Variants in CDKAL1 observed in about 807,000 individuals in gnomAD.
The protein encoded by CDKAL1 is threonylcarbamoyladenosine tRNA methylthiotransferase.
In CDKAL1, 32 loss-of-function variants were observed where a neutral mutation model predicts 68.2. The ratio of observed to expected loss-of-function variants is 0.47; its 90% CI spans 0.35 to 0.63. The LOEUF is 0.63. Among genes scored for constraint, CDKAL1 ranks in the 30% least tolerant of loss-of-function variants. CDKAL1 has a pLI of 0.00. For missense variants in CDKAL1, 606 were observed against 696.7 expected, an observed-to-expected ratio of 0.87 and a Z score of 1.47; for synonymous variants, 234 against 244.3, an observed-to-expected ratio of 0.96 and a Z score of 0.39.
chr6:21,010,424 A>AGCTT (rs1227026966), intron 11 of CDKAL1, among the ~76,000 whole-genome samples: 1 of 152,142 alleles, frequency 6.6e-6, no homozygotes, highest in Non-Finnish European at 1.5e-5. Flanking sequence ...TTAAATCTCT[A>AGCTT]GCTTAAACTC....
intron 9 of CDKAL1, among the ~76,000 whole-genome samples, chr6:20,934,106 G>A (rs1430263126): frequency 2.6e-5 from 4 of 152,014 alleles, no homozygotes; most frequent in Admixed American, 6.6e-5. Context: ...CAGCTTTGAG[G>A]GCTCAAGAGT....
intron 15 of CDKAL1, among the ~76,000 whole-genome samples, chr6:21,223,284 G>GCCACTCAT (rs1170781632): frequency 6.6e-5 from 10 of 152,280 alleles, no homozygotes; most frequent in African/African-American, 2.2e-4. Context: ...GTAAAGCCAG[G>GCCACTCAT]CCACTCATCT....
At chr6:20,632,604 A>T (rs1375383139) in intron 4 of CDKAL1, among the ~76,000 whole-genome samples, 2 of 152,134 alleles carry the variant, frequency 1.3e-5, no homozygotes, top group Non-Finnish European at 2.9e-5. Context: ...ATTGCTGACA[A>T]CTAGTCTGTT....
chr6:21,108,594 G>A (rs1487161425), intron 13 of CDKAL1, 131 bp downstream of exon 13: 6 of 556,890 alleles, frequency 1.1e-5, no homozygotes, highest in Non-Finnish European at 1.9e-5. Flanking sequence ...AAATTTTTTA[G>A]CTCTTTATCC....
At chr6:20,688,137 A>T (rs1189367619) in intron 5 of CDKAL1, among the ~76,000 whole-genome samples, 1 of 132,576 alleles carries the variant, frequency 7.5e-6, no homozygotes, top group Non-Finnish European at 1.6e-5. Flanking sequence ...CTCACCCCCC[A>T]CCTCTGGCTT....
At chr6:20,672,334 G>GTC (rs1169822037) in intron 5 of CDKAL1, among the ~76,000 whole-genome samples, 6 of 129,486 alleles carry the variant, frequency 4.6e-5, no homozygotes, top group Middle Eastern at 4.3e-3. Context: ...TTCTCTCTCT[G>GTC]TCTCTCTCTC....
chr6:20,557,558 T>A (rs1052559838), intron 4 of CDKAL1, among the ~76,000 whole-genome samples: 6 of 152,302 alleles, frequency 3.9e-5, no homozygotes, highest in African/African-American at 1.4e-4. Context: ...TGTATACATA[T>A]GTATATATAT....
At chr6:21,002,181 A>G (rs1767463375) in intron 11 of CDKAL1, among the ~76,000 whole-genome samples, 1 of 152,206 alleles carries the variant, frequency 6.6e-6, no homozygotes. Flanking sequence ...GTCAGGTATT[A>G]GGAAATAGTC....
chr6:21,056,024 C>A (rs530272367), intron 11 of CDKAL1, among the ~76,000 whole-genome samples: 4 of 152,180 alleles, frequency 2.6e-5, no homozygotes, highest in African/African-American at 9.6e-5. Context: ...CACAGCCTCA[C>A]CAACATCTGT....
At chr6:21,043,211 C>G (rs1462990115) in intron 11 of CDKAL1, among the ~76,000 whole-genome samples, 1 of 152,142 alleles carries the variant, frequency 6.6e-6, no homozygotes, top group Admixed American at 6.5e-5. Context: ...CATAGAATGT[C>G]TGCCTTCCAT....
intron 6 of CDKAL1, among the ~76,000 whole-genome samples, chr6:20,740,126 G>A (rs547805000): frequency 2.0e-5 from 3 of 152,118 alleles, no homozygotes; most frequent in African/African-American, 4.8e-5. Context: ...GTTACCTGTC[G>A]TATAATTCTT....
intron 13 of CDKAL1, among the ~76,000 whole-genome samples, chr6:21,175,503 A>G (rs540722081): frequency 7.9e-5 from 12 of 152,096 alleles, no homozygotes; most frequent in Non-Finnish European, 1.2e-4. Flanking sequence ...TTAGCACTCA[A>G]TGTAGTGACC....
chr6:20,810,181 C>T (rs1776734581), intron 8 of CDKAL1, among the ~76,000 whole-genome samples: 1 of 152,098 alleles, frequency 6.6e-6, no homozygotes, highest in African/African-American at 2.4e-5. Flanking sequence ...AAGTACTTAC[C>T]TAGCTGCAGC....
intron 8 of CDKAL1, among the ~76,000 whole-genome samples, chr6:20,788,923 G>C (rs961157969): frequency 9.9e-5 from 15 of 152,184 alleles, no homozygotes; most frequent in African/African-American, 3.4e-4. Flanking sequence ...TTTCAGCGCA[G>C]TGTCTTTCTC....
At chr6:20,775,359 C>T (rs1775128779) in intron 7 of CDKAL1, among the ~76,000 whole-genome samples, 1 of 152,122 alleles carries the variant, frequency 6.6e-6, no homozygotes. Flanking sequence ...TTCACTCAAG[C>T]CAAAAGGCTG....
At chr6:20,824,917 A>G (rs1777438842) in intron 8 of CDKAL1, among the ~76,000 whole-genome samples, 1 of 152,166 alleles carries the variant, frequency 6.6e-6, no homozygotes. Context: ...TTAAAATGGC[A>G]TGTTTGTGAT....
At chr6:21,203,268 T>A in intron 15 of CDKAL1, among the ~76,000 whole-genome samples, 1 of 126,214 alleles carries the variant, frequency 7.9e-6, no homozygotes, top group South Asian at 2.9e-4. Context: ...AGAGTCTCAC[T>A]CTGTTGCCCA....
chr6:21,036,823 G>A (rs1769621990), intron 11 of CDKAL1, among the ~76,000 whole-genome samples: 2 of 152,238 alleles, frequency 1.3e-5, no homozygotes, highest in South Asian at 4.1e-4. Context: ...AGCAGCGTTG[G>A]TGACATCTGT....
intron 13 of CDKAL1, among the ~76,000 whole-genome samples, chr6:21,171,215 GTTAC>G (rs2151075203): frequency 6.6e-6 from 1 of 152,020 alleles, no homozygotes; most frequent in African/African-American, 2.4e-5. Flanking sequence ...TTGCATACAA[GTTAC>G]TTCTTTTTTT....
Sources: allele counts gnomAD v4.1 joint callset (sites outside exome capture counted in the v4.1 genomes callset), GRCh38; gene constraint gnomAD v4.1.1; transcripts MANE v1.5; gene names NCBI Gene and HGNC (gene_info 2026-07-23, HGNC 2026-07-21).